Variants in ADCY7 observed in about 807,000 individuals in gnomAD.
ADCY7 encodes the protein adenylate cyclase type 7.
A neutral mutation model predicts 120.6 loss-of-function variants in ADCY7; 72 were observed. The observed-to-expected ratio is 0.60, with a 90% CI of 0.49 to 0.73. The LOEUF is 0.73. Ranked by LOEUF, ADCY7 falls within the 30% of genes least tolerant of loss-of-function variation. The pLI is 0.00. For missense variants in ADCY7, 1,227 were observed against 1,486.0 expected (o/e 0.83, Z 2.87); for synonymous variants, 661 against 628.0 (o/e 1.05, Z -0.78).
intron 2 of ADCY7, 93 bp from the exon 3 acceptor site, chr16:50,290,364 T>C (rs1460208230): frequency 1.4e-6 from 2 of 1,392,060 alleles, no homozygotes; most frequent in East Asian, 2.4e-5. Flanking sequence ...TGGAGGAAGC[T>C]GTAAGTGAGG....
chr16:50,272,272 C>T (rs578054973), intron 1 of ADCY7, among the ~76,000 whole-genome samples: 2 of 151,968 alleles, frequency 1.3e-5, no homozygotes, highest in African/African-American at 4.8e-5. Context: ...CCCTGGAGGC[C>T]GCTGGACCCA....
At position 50,299,047 on chromosome 16, in the gene ADCY7, G is replaced by C. The variant is rs544925907; in HGVS notation, c.1076+16G>C. On this transcript the variant is annotated intron_variant, in intron 8 of 25. Coordinates refer to ENST00000673801, the MANE Select transcript of ADCY7 (RefSeq NM_001114.5). ...AGGCCATCAAGTAGGTCCTGGGCGG[G>C]CCCAGGCCCTGGGTCCTGCCCTGTG... 39 of 1,602,278 alleles carry C rather than the reference G, an allele frequency of 2.4e-5. No homozygotes were observed. In the South Asian group the frequency reaches 4.1e-4, roughly 17 times the overall value.
chr16:50,287,581 G>C (rs1470617673), intron 1 of ADCY7, among the ~76,000 whole-genome samples: 1 of 151,502 alleles, frequency 6.6e-6, no homozygotes, highest in African/African-American at 2.4e-5. Flanking sequence ...GTAGGAGGCT[G>C]AGGTGGGAGA....
At chr16:50,273,482 G>A (rs1216833772) in intron 1 of ADCY7, among the ~76,000 whole-genome samples, 1 of 152,240 alleles carries the variant, frequency 6.6e-6, no homozygotes, top group East Asian at 1.9e-4. Flanking sequence ...AGCAGCAGCA[G>A]TGCCTGCACC....
Position 50,288,167 on chromosome 16 carries a change from C to A in ADCY7, c.-13C>A. On this transcript the variant is annotated 5_prime_UTR_variant, in exon 2 of 26. Transcript: ENST00000673801. ...TAACGGCCCCTTAACGACACGCGTG[C>A]CAAGGGTGGAGGATGCCAGCCAAGG... 1 of 1,541,042 alleles carries A rather than the reference C, an allele frequency of 6.5e-7. No individual in the cohort carries two copies. Among genetic ancestry groups the A allele is most frequent in the Non-Finnish European group, 8.8e-7 (1 of 1,141,186 alleles).
chr16:50,291,430 G>A (rs533867156), intron 3 of ADCY7, among the ~76,000 whole-genome samples: 3 of 152,244 alleles, frequency 2.0e-5, no homozygotes, highest in African/African-American at 7.2e-5. Flanking sequence ...CATTTCTGCT[G>A]AGCGAGAACC....
chr16:50,251,404 C>G (rs1488479282), intron 1 of ADCY7, among the ~76,000 whole-genome samples: 1 of 152,154 alleles, frequency 6.6e-6, no homozygotes, highest in Non-Finnish European at 1.5e-5. Flanking sequence ...CAACGTGTGT[C>G]CCATCTCCTG....
intron 18 of ADCY7, chr16:50,310,413 G>A (rs1256578772): frequency 5.3e-6 from 8 of 1,520,872 alleles, no homozygotes; most frequent in South Asian, 3.6e-5. Context: ...ATGCATGCAC[G>A]CTCCGGCCTT....
At chr16:50,262,115 G>GT (rs2033074859), upstream of ADCY7, among the ~76,000 whole-genome samples, 1 of 152,142 alleles carries the variant, frequency 6.6e-6, no homozygotes, top group African/African-American at 2.4e-5. Context: ...TGTCTGCTTC[G>GT]TTTTGGCTGC....
chr16:50,316,778 C>T lies in ADCY7; in HGVS notation c.*1273C>T, dbSNP rs535531794. On this transcript the variant is annotated 3_prime_UTR_variant, in exon 26 of 26. Coordinates refer to ENST00000673801, the MANE Select transcript of ADCY7 (RefSeq NM_001114.5). ...CAGGGTGAGAAATGACCAAACTGCC[C>T]GTGACTTTTTCTGAATGGACTTCAT... 3.0e-4 allele frequency: 46 copies of T among 152,470 alleles called. No homozygotes were observed. Among genetic ancestry groups the T allele is most frequent in the African/African-American group, 1.0e-3 (42 of 41,562 alleles). 9.4% of individuals were successfully genotyped at this position (152,470 alleles called of 1,614,324 possible).
At chr16:50,265,263 G>A (rs1022209992), upstream of ADCY7, among the ~76,000 whole-genome samples, 4 of 152,132 alleles carry the variant, frequency 2.6e-5, no homozygotes, top group Non-Finnish European at 4.4e-5. Context: ...CTCTGCTCTG[G>A]GACATTTGCT....
intron 15 of ADCY7, 34 bp from the exon 16 acceptor site, chr16:50,308,293 C>G: frequency 1.2e-6 from 2 of 1,614,074 alleles, no homozygotes; most frequent in South Asian, 2.2e-5. Context: ...GCAGAAGGCC[C>G]TAGGCAGAAC....
chr16:50,245,969 T>C (rs1052100487), upstream of ADCY7, among the ~76,000 whole-genome samples: 14 of 1,778 alleles, frequency 7.9e-3, no homozygotes, highest in African/African-American at 0.026. Context: ...TGGGGTGGGG[T>C]GGGGTGGGGC....
At chr16:50,311,472 C>T (rs1390293433) in intron 19 of ADCY7, among the ~76,000 whole-genome samples, 1 of 152,200 alleles carries the variant, frequency 6.6e-6, no homozygotes, top group Admixed American at 6.5e-5. Context: ...TCTGGTCATT[C>T]AGGGGTGAGA....
chr16:50,292,869 C>T (rs764467400), intron 5 of ADCY7, 44 bp downstream of exon 5: 13 of 1,592,520 alleles, frequency 8.2e-6, no homozygotes, highest in Middle Eastern at 1.7e-4. Flanking sequence ...CCCCTGTCCT[C>T]TTCCTCTTTC....
At chr16:50,260,721 T>C (rs1245534187) in intron 1 of ADCY7, among the ~76,000 whole-genome samples, 1 of 152,170 alleles carries the variant, frequency 6.6e-6, no homozygotes, top group East Asian at 1.9e-4. Flanking sequence ...CTTTGTCACA[T>C]GCAGGGTGGG....
chr16:50,260,882 A>G (rs1205944532), intron 1 of ADCY7, among the ~76,000 whole-genome samples: 1 of 152,190 alleles, frequency 6.6e-6, no homozygotes, highest in East Asian at 1.9e-4. Context: ...ATCTTTCATG[A>G]TCTCAGAAGC....
At position 50,291,738 on chromosome 16, in the gene ADCY7, G is replaced by C; in HGVS notation, c.378G>C (p.Val126=). 6.2e-7 allele frequency: 1 copy of C among 1,614,050 alleles called. No individual in the cohort carries two copies. The highest frequency in any genetic ancestry group is 2.2e-5 in the East Asian group (1 of 44,880). ...WTKAACAWEQ[V]PFFLFIVFVV... ...GGCTCACCAGGCTGCATCCACAGGT[G>C]CCCTTCTTCCTGTTCATTGTCTTCG... The change falls in exon 4 of 26, where the codon GTG becomes GTC. Residue 126 remains valine, a splice_region_variant and synonymous_variant. Transcript: ENST00000673801.
chr16:50,296,278 C>T (rs1272185196), intron 7 of ADCY7, among the ~76,000 whole-genome samples: 1 of 151,938 alleles, frequency 6.6e-6, no homozygotes, highest in African/African-American at 2.4e-5. Context: ...GTCTTGAATT[C>T]CTACGCTCAA....
Sources: gnomAD v4.1 joint callset for allele counts (sites outside exome capture counted in the v4.1 genomes callset) on GRCh38, gnomAD v4.1.1 for gene constraint, MANE v1.5 for transcripts, NCBI Gene and HGNC (gene_info 2026-07-23, HGNC 2026-07-21) for gene names.